The following CAPN1 variants were observed in gnomAD, a reference collection of about 807,000 sequenced individuals.
The protein encoded by CAPN1 is calpain-1 catalytic subunit.
A neutral mutation model predicts 105.2 loss-of-function variants in CAPN1; 77 were observed. That is an observed-to-expected ratio of 0.73 (90% CI 0.61 to 0.88). The LOEUF is 0.88. Among genes scored for constraint, CAPN1 ranks in the 40% least tolerant of loss-of-function variants. The pLI, the probability that CAPN1 is intolerant of heterozygous loss-of-function variation, is 0.00. For synonymous variants in CAPN1, 355 were observed against 388.8 expected (o/e 0.91, Z 1.02); for missense variants, 833 against 976.6 (o/e 0.85, Z 1.96).
Position 65,210,159 on chromosome 11 carries a change from C to A in CAPN1, c.1942+63C>A. On this transcript the variant is annotated intron_variant, in intron 19 of 21. Transcript: ENST00000279247. The surrounding 1 kb of genome is among the most constrained non-coding windows in gnomAD (Gnocchi z 4.3). ...GACAGGTAGCCCCACTGCTCCTATG[C>A]CCCAGGCCCTTGTCCCTGGGGTGCT... The A allele has an allele frequency of 7.1e-7, 1 of 1,405,664 alleles. No individual in the cohort carries two copies. The highest frequency in any genetic ancestry group is 1.4e-5 in the African/African-American group (1 of 70,498). 87.1% of individuals were successfully genotyped at this position (1,405,664 alleles called of 1,614,324 possible).
At position 65,210,343 on chromosome 11, in the gene CAPN1, G is replaced by A. The variant is rs1391234120; in HGVS notation, c.1950G>A (p.Lys650=). The change falls in exon 20 of 22, where the codon AAG becomes AAA. Residue 650 remains lysine, a synonymous_variant. Transcript: ENST00000279247. This position sits in a 1 kb window ranked among gnomAD's most constrained non-coding sequence, Gnocchi z 4.3. ...MRMAIESAGF[K]LNKKLYELII... ...CTCACTCTCCTGGACCAGGCTTCAAGCTCAACAAGAAGCTGTACGAGCTCA... is the reference window on the plus strand; with the variant it reads ...CTCACTCTCCTGGACCAGGCTTCAAACTCAACAAGAAGCTGTACGAGCTCA... The A allele has an allele frequency of 1.2e-6, 2 of 1,610,488 alleles. No individual in the cohort carries two copies. The highest frequency in any genetic ancestry group is 1.3e-5 in the African/African-American group (1 of 74,846).
At position 65,204,835 on chromosome 11, in the gene CAPN1, A is replaced by G; in HGVS notation, c.1318A>G (p.Thr440Ala). 15 of 1,610,158 alleles carry G rather than the reference A, an allele frequency of 9.3e-6. No individual in the cohort carries two copies. The highest frequency in any genetic ancestry group is 1.2e-5 in the Non-Finnish European group (14 of 1,177,698). The change falls in exon 11 of 22, where the codon ACT becomes GCT. Residue 440 changes from threonine to alanine, a missense_variant. Coordinates refer to ENST00000279247, the MANE Select transcript of CAPN1 (RefSeq NM_005186.4). The stretch of plus-strand genomic sequence containing the variant: ...GCGCCGCTTCGGCCGCGACATGGAG[A>G]CTATTGGCTTCGCGGTCTACGAGGT... ...RERRFGRDMETIGFAVYEVPP... is the reference protein window; with the variant it reads ...RERRFGRDMEAIGFAVYEVPP...
Position 65,210,493 on chromosome 11 carries a change from CA to C in CAPN1, c.2059+44del, listed in dbSNP as rs1200135295. The C allele has an allele frequency of 3.3e-6, 4 of 1,200,900 alleles. No individual in the cohort carries two copies. The Admixed American group carries it at 7.3e-5, about 22-fold the overall frequency. The allele number at this position is 1,200,900 out of a possible 1,614,324, so 74.4% of individuals were successfully genotyped here. A position where few individuals can be genotyped will look rare whatever the true frequency, so the allele number is the denominator to read the frequency against. On this transcript the variant is annotated intron_variant, in intron 20 of 21. Transcript: ENST00000279247. This position sits in a 1 kb window ranked among gnomAD's most constrained non-coding sequence, Gnocchi z 4.3. ...TGCCTCCCACCCTCCAGCTCCGTCC[CA>C]AACGCGTCCCCCAGGAGCTGGGGGG...
chr11:65,184,490 G>A (rs1270881580), intron 4 of CAPN1, among the ~76,000 whole-genome samples: 6 of 29,038 alleles, frequency 2.1e-4, no homozygotes, highest in South Asian at 9.4e-4. Flanking sequence ...CCCGCCCCCC[G>A]TTGTCCTGGC....
chr11:65,183,476 GA>G lies in CAPN1; in HGVS notation c.341del (p.Asp114AlafsTer62). On this transcript the variant is annotated frameshift_variant, in exon 4 of 22. Transcript: ENST00000279247. LOFTEE classifies it high-confidence loss of function. ...AATGTGCATCCCTCCTGCCCCAGGGGACTGCTGGCTCTTGGCGGCCATCGCC... is the reference window on the plus strand; with the variant it reads ...AATGTGCATCCCTCCTGCCCCAGGGGCTGCTGGCTCTTGGCGGCCATCGCC... ...RTDICQGALGDCWLLAAIASL... is the reference protein window; with the variant it reads ...RTDICQGALGXCWLLAAIASL... 1 of 1,611,186 alleles carries G rather than the reference GA, an allele frequency of 6.2e-7. No homozygotes were observed.
In CAPN1 at chr11:65,183,189, G is replaced by A; in HGVS notation, c.329G>A (p.Gly110Glu). ...GCTACCCGCACAGACATCTGCCAGG[G>A]AGCACTGGGTAGGCCCCCAGGGCGT... ...DGATRTDICQ[G>E]ALGDCWLLAA... Residue 110 changes from glycine to glutamate, a missense_variant, in exon 3 of 22, where the codon GGA becomes GAA. Physicochemically the swap from Gly to Glu is moderately conservative, Grantham distance 98 (BLOSUM62 -2). Coordinates refer to ENST00000279247, the MANE Select transcript of CAPN1 (RefSeq NM_005186.4). 1 of 1,613,906 alleles carries A rather than the reference G, an allele frequency of 6.2e-7. No individual in the cohort carries two copies. The highest frequency in any genetic ancestry group is 8.5e-7 in the Non-Finnish European group (1 of 1,179,814).
At position 65,188,727 on chromosome 11, in the gene CAPN1, G is replaced by A. The variant is rs1179472255; in HGVS notation, c.1146G>A (p.Gly382=). The change falls in exon 10 of 22, where the codon GGG becomes GGA. Residue 382 remains glycine, a synonymous_variant. Transcript: ENST00000279247. The surrounding 1 kb of genome is among the most constrained non-coding windows in gnomAD (Gnocchi z 5.5). Reference sequence around the variant, plus strand: ...CCTGGCGGCGGGGGAGCACCGCGGGGGGCTGCCGAAACTACCCAGGTGCAC... The same window carrying A: ...CCTGGCGGCGGGGGAGCACCGCGGGAGGCTGCCGAAACTACCCAGGTGCAC... The part of the protein sequence containing the change: ...EGTWRRGSTA[G]GCRNYPATFW... 2.5e-6 allele frequency: 4 copies of A among 1,578,834 alleles called. No homozygotes were observed. The highest frequency in any genetic ancestry group is 3.4e-6 in the Non-Finnish European group (4 of 1,162,670).
chr11:65,182,405 T>C (rs1054105874), intron 1 of CAPN1: 1 of 374,446 alleles, frequency 2.7e-6, no homozygotes, highest in African/African-American at 2.0e-5. Flanking sequence ...GTCTGGAGGC[T>C]CCGCCCTGCC....
intron 11 of CAPN1, among the ~76,000 whole-genome samples, chr11:65,205,217 A>G (rs1275286052): frequency 6.6e-6 from 1 of 152,138 alleles, no homozygotes; most frequent in Admixed American, 6.5e-5. Flanking sequence ...GGCAGGGGAA[A>G]GATAGGGGAT....
At chr11:65,187,121 C>A in intron 6 of CAPN1, 94 bp from the exon 7 acceptor site, 2 of 852,162 alleles carry the variant, frequency 2.3e-6, no homozygotes. Context: ...GTTGTATGTG[C>A]AAGTGGGAAC....
chr11:65,190,583 C>A (rs1330681400), intron 10 of CAPN1, among the ~76,000 whole-genome samples: 1 of 152,170 alleles, frequency 6.6e-6, no homozygotes, highest in Non-Finnish European at 1.5e-5. Flanking sequence ...ACCATTCTGT[C>A]CCTGGGTCTA....
chr11:65,196,289 T>TC (rs1458330472), intron 10 of CAPN1, among the ~76,000 whole-genome samples: 5 of 151,970 alleles, frequency 3.3e-5, no homozygotes, highest in Non-Finnish European at 4.4e-5. Flanking sequence ...TTTTCTTTTT[T>TC]CTTAAATCCC....
chr11:65,196,477 T>C (rs1948794118), intron 10 of CAPN1, among the ~76,000 whole-genome samples: 1 of 152,290 alleles, frequency 6.6e-6, no homozygotes, highest in East Asian at 1.9e-4. Context: ...ATTTATCTTT[T>C]CTTTGTGTTG....
rs1242431384 is a variant in CAPN1 at position 65,211,917 on chromosome 11, G to A, written c.*631G>A. On this transcript the variant is annotated 3_prime_UTR_variant, in exon 22 of 22. Transcript: ENST00000279247. Reference sequence around the variant, plus strand: ...CAGGGACTTGTGTACTGGTTATGGGGGTGCCAGAGGCACTAGGCTTGGGGT... The same window carrying A: ...CAGGGACTTGTGTACTGGTTATGGGAGTGCCAGAGGCACTAGGCTTGGGGT... The A allele has an allele frequency of 1.3e-5, 2 of 152,980 alleles. No individual in the cohort carries two copies. The highest frequency in any genetic ancestry group is 2.9e-5 in the Non-Finnish European group (2 of 68,562). 9.5% of individuals were successfully genotyped at this position (152,980 alleles called of 1,614,324 possible).
At chr11:65,206,352 C>A in intron 12 of CAPN1, 111 bp from the exon 13 acceptor site, 1 of 798,582 alleles carries the variant, frequency 1.3e-6, no homozygotes, top group Non-Finnish European at 2.1e-6. Context: ...CATGCCCCAG[C>A]TCTCCAGCCC....
chr11:65,185,533 A>G (rs1268748723), intron 4 of CAPN1, among the ~76,000 whole-genome samples: 1 of 151,900 alleles, frequency 6.6e-6, no homozygotes, highest in Admixed American at 6.6e-5. Context: ...AAAAGACAGT[A>G]TTACAGGGCT....
Position 65,187,941 on chromosome 11 carries a change from G to A in CAPN1, c.844-14G>A, listed in dbSNP as rs1405834820. 1.3e-6 allele frequency: 2 copies of A among 1,546,886 alleles called. No individual in the cohort carries two copies. Among genetic ancestry groups the A allele is most frequent in the Admixed American group, 2.0e-5 (1 of 51,202 alleles). On this transcript the variant is annotated splice_polypyrimidine_tract_variant and intron_variant, in intron 7 of 21. Transcript: ENST00000279247. ...CTGCTGGAAGCTAGCACTGACAGGA[G>A]CTCTGGCAAATAGGTGAACTACCGA...
At chr11:65,181,688 C>T, upstream of CAPN1, 1 of 317,124 alleles carries the variant, frequency 3.2e-6, no homozygotes, top group Non-Finnish European at 6.4e-6. The surrounding 1 kb of genome is among the most constrained non-coding windows in gnomAD (Gnocchi z 4.6). Context: ...TCCCCCCCCG[C>T]GCTGGCCCCT....
chr11:65,198,687 C>G (rs948611346), intron 10 of CAPN1, among the ~76,000 whole-genome samples: 2 of 152,152 alleles, frequency 1.3e-5, no homozygotes, highest in Admixed American at 6.6e-5. Context: ...CATTTTCCAT[C>G]CACCCGAAAC....
Sources: allele counts gnomAD v4.1 joint callset (sites outside exome capture counted in the v4.1 genomes callset), GRCh38; gene constraint gnomAD v4.1.1; non-coding constraint Gnocchi (gnomAD v3.1); transcripts MANE v1.5; gene names NCBI Gene and HGNC (gene_info 2026-07-23, HGNC 2026-07-21).